The following PCDHGA6 variants were observed in gnomAD, a reference collection of about 807,000 sequenced individuals.
PCDHGA6 encodes protocadherin gamma-A6.
In PCDHGA6, 41 loss-of-function variants were observed where a neutral mutation model predicts 60.6. That is an observed-to-expected ratio of 0.68 (90% CI 0.53 to 0.88). PCDHGA6 has a LOEUF of 0.88. Among genes scored for constraint, PCDHGA6 ranks in the 40% least tolerant of loss-of-function variants. The pLI is 0.00. For synonymous variants in PCDHGA6, 594 were observed against 524.4 expected, an observed-to-expected ratio of 1.13 and a Z score of -1.81; for missense variants, 1,312 against 1,203.0, an observed-to-expected ratio of 1.09 and a Z score of -1.34.
chr5:141,431,146 T>G lies in PCDHGA6; in HGVS notation c.2424+54639T>G. On this transcript the variant is annotated intron_variant, in intron 1 of 3. Coordinates refer to ENST00000517434, the MANE Select transcript of PCDHGA6 (RefSeq NM_018919.3). The surrounding 1 kb of genome is among the most constrained non-coding windows in gnomAD (Gnocchi z 4.8). The stretch of plus-strand genomic sequence containing the variant: ...TAGAAGTAAGGGACATTAACGACAA[T>G]GCGCCTTACTTTCGTGAAAGTGAAT... 6.2e-7 allele frequency: 1 copy of G among 1,614,124 alleles called. No individual in the cohort carries two copies. Among genetic ancestry groups the G allele is most frequent in the African/African-American group, 1.3e-5 (1 of 75,022 alleles).
At chr5:141,408,618 A>C (rs1264915663) in intron 1 of PCDHGA6, 1 of 1,614,024 alleles carries the variant, frequency 6.2e-7, no homozygotes, top group Admixed American at 1.7e-5. Flanking sequence ...AAGGAAATAC[A>C]TTTAGAAATT....
At chr5:141,473,944 CTGTA>C (rs2099333270) in intron 1 of PCDHGA6, among the ~76,000 whole-genome samples, 2 of 152,156 alleles carry the variant, frequency 1.3e-5, no homozygotes, top group Non-Finnish European at 2.9e-5. Context: ...TAGCTCAGGC[CTGTA>C]GTCCCATCTA....
chr5:141,392,658 C>T, intron 1 of PCDHGA6: 1 of 778,114 alleles, frequency 1.3e-6, no homozygotes, highest in Non-Finnish European at 1.9e-6. Context: ...CCGCAGATGC[C>T]ACAAACTAAC....
chr5:141,402,867 C>T, intron 1 of PCDHGA6: 2 of 1,443,510 alleles, frequency 1.4e-6, no homozygotes, highest in Non-Finnish European at 1.8e-6. Context: ...AGGAAAAGAT[C>T]ACCATACTTT....
intron 1 of PCDHGA6, chr5:141,475,890 G>C: frequency 1.8e-6 from 1 of 565,896 alleles, no homozygotes; most frequent in South Asian, 2.3e-5. Flanking sequence ...CTGGGACTCT[G>C]TGTGCCGCTG....
chr5:141,413,524 A>T lies in PCDHGA6; in HGVS notation c.2424+37017A>T, dbSNP rs772774054. The T allele has an allele frequency of 9.3e-6, 15 of 1,613,856 alleles. No individual in the cohort carries two copies. In the Admixed American group the frequency reaches 2.5e-4, roughly 27 times the overall value. ...GAGTTTTAATATCCTTGTGGAAGACAGGGTGAAACTTTTTGGGATAGAAAT... is the reference window on the plus strand; with the variant it reads ...GAGTTTTAATATCCTTGTGGAAGACTGGGTGAAACTTTTTGGGATAGAAAT... On this transcript the variant is annotated intron_variant, in intron 1 of 3. Coordinates refer to ENST00000517434, the MANE Select transcript of PCDHGA6 (RefSeq NM_018919.3).
intron 1 of PCDHGA6, chr5:141,389,844 G>C: frequency 6.2e-7 from 1 of 1,614,014 alleles, no homozygotes; most frequent in Non-Finnish European, 8.5e-7. Flanking sequence ...ACCACTCTCG[G>C]CCACTGCCAC....
rs774489564 is a variant in PCDHGA6, at chr5:141,375,475, C to G, written c.1392C>G (p.Asn464Lys). ...HSSYSVYVLE[N>K]NPRGASIFSV... is the part of the protein sequence containing the mutation. The stretch of plus-strand genomic sequence containing the variant: ...CCTACTCAGTCTATGTCCTTGAAAA[C>G]AACCCCAGGGGTGCCTCCATCTTCT... Residue 464 changes from asparagine (N) to lysine (K), a missense_variant, in exon 1 of 4, where the codon AAC (asparagine) becomes AAG (lysine). Physicochemically the swap from Asn to Lys is moderately conservative, Grantham distance 94. Transcript: ENST00000517434. 3 of 1,613,884 alleles carry G rather than the reference C, an allele frequency of 1.9e-6. No individual in the cohort carries two copies. Among genetic ancestry groups the G allele is most frequent in the Non-Finnish European group, 2.5e-6 (3 of 1,180,010 alleles).
At chr5:141,464,312 C>T (rs2099081610) in intron 1 of PCDHGA6, among the ~76,000 whole-genome samples, 1 of 149,056 alleles carries the variant, frequency 6.7e-6, no homozygotes, top group South Asian at 2.1e-4. Flanking sequence ...GTGCACATAT[C>T]ATTATCTGTT....
chr5:141,403,341 C>T (rs1279947533), intron 1 of PCDHGA6: 1 of 1,613,988 alleles, frequency 6.2e-7, no homozygotes, highest in Non-Finnish European at 8.5e-7. Flanking sequence ...AACGACAGCG[C>T]CCCAAAGTTC....
Position 141,426,915 on chromosome 5 carries a change from G to A in PCDHGA6, c.2424+50408G>A, listed in dbSNP as rs143411146. On this transcript the variant is annotated intron_variant, in intron 1 of 3. Coordinates refer to ENST00000517434, the MANE Select transcript of PCDHGA6 (RefSeq NM_018919.3). ...ACAGAGCTCTCATCTCCTGGTCCTG[G>A]AAGCAATGGACATGGGTGACCCAGT... 1,737 of 456,738 alleles carry A rather than the reference G, an allele frequency of 3.8e-3. 17 individuals carry two copies. Among genetic ancestry groups the A allele is most frequent in the Admixed American group, 0.01 (426 of 42,586 alleles). The allele number at this position is 456,738 out of a possible 1,614,324, so 28.3% of individuals were successfully genotyped here.
At position 141,404,170 on chromosome 5, in the gene PCDHGA6, G is replaced by C. The variant is rs73279089; in HGVS notation, c.2424+27663G>C. Reference sequence around the variant, plus strand: ...AAGAAGATTATTACAGATTGTTGACGGCCCAAATTCTTGACCGAGAAAAAG... The same window carrying C: ...AAGAAGATTATTACAGATTGTTGACCGCCCAAATTCTTGACCGAGAAAAAG... On this transcript the variant is annotated intron_variant, in intron 1 of 3. Coordinates refer to ENST00000517434, the MANE Select transcript of PCDHGA6 (RefSeq NM_018919.3). The C allele has an allele frequency of 1.5e-3, 2,365 of 1,612,738 alleles. 32 individuals are homozygous for C. In the African/African-American group the frequency reaches 0.028, roughly 19 times the overall value.
chr5:141,441,840 C>T (rs2098278154), intron 1 of PCDHGA6: 1 of 355,864 alleles, frequency 2.8e-6, no homozygotes, highest in Non-Finnish European at 5.5e-6. Flanking sequence ...GCTTCGCGCT[C>T]TTGGATATGG....
chr5:141,478,378 G>C, intron 1 of PCDHGA6: 1 of 1,613,558 alleles, frequency 6.2e-7, no homozygotes, highest in Non-Finnish European at 8.5e-7. Flanking sequence ...TGATGTCGCC[G>C]CACCTTTACC....
rs1454395834 is a variant in PCDHGA6, at chr5:141,413,223, G to A, written c.2424+36716G>A. The stretch of plus-strand genomic sequence containing the variant: ...CAAAGGAATCAAAGGATTGCAGCGG[G>A]CTGGTCCTGCTCTGCCTTTTCTTCG... On this transcript the variant is annotated intron_variant, in intron 1 of 3. Transcript: ENST00000517434. 4 of 1,613,694 alleles carry A rather than the reference G, an allele frequency of 2.5e-6. No individual in the cohort carries two copies. In the African/African-American group the frequency reaches 4.0e-5, roughly 16 times the overall value.
In PCDHGA6 at chr5:141,489,353, A is replaced by G. The variant is rs1423278514; in HGVS notation, c.2425-5454A>G. 3.7e-6 allele frequency: 6 copies of G among 1,612,316 alleles called. No homozygotes were observed. In the African/African-American group the frequency reaches 6.7e-5, roughly 18 times the overall value. ...CAGCTTCGTTACTCAGTGGTGGAGG[A>G]GTCTGAGCCGGGGACGCTGGTGGGG... On this transcript the variant is annotated intron_variant, in intron 1 of 3. Transcript: ENST00000517434. This position sits in a 1 kb window ranked among gnomAD's most constrained non-coding sequence, Gnocchi z 4.5.
chr5:141,512,917 T>C lies in PCDHGA6; in HGVS notation c.*1744T>C, dbSNP rs543880225. On this transcript the variant is annotated 3_prime_UTR_variant, in exon 4 of 4. Transcript: ENST00000517434. ...TGTGTCTCACGCAAGTTTTATACTCTAATATTTATATGGCTTTTTTTCTTC... is the reference window on the plus strand; with the variant it reads ...TGTGTCTCACGCAAGTTTTATACTCCAATATTTATATGGCTTTTTTTCTTC... The C allele has an allele frequency of 1.3e-5, 2 of 152,378 alleles. No individual in the cohort carries two copies. Among genetic ancestry groups the C allele is most frequent in the African/African-American group, 2.4e-5 (1 of 41,588 alleles). The allele number at this position is 152,378 out of a possible 1,614,324, so 9.4% of individuals were successfully genotyped here.
chr5:141,426,166 G>A (rs545570121), intron 1 of PCDHGA6: 4 of 155,070 alleles, frequency 2.6e-5, no homozygotes, highest in South Asian at 2.0e-4. Context: ...GATTCCATAC[G>A]GATTGGGGTG....
intron 1 of PCDHGA6, among the ~76,000 whole-genome samples, chr5:141,381,816 CT>C (rs747432194): frequency 4.2e-4 from 52 of 122,544 alleles, no homozygotes; most frequent in Admixed American, 1.7e-3. Flanking sequence ...TTCTTTCTTT[CT>C]TTCTTCTTCT....
Sources: allele counts gnomAD v4.1 joint callset (sites outside exome capture counted in the v4.1 genomes callset), GRCh38; gene constraint gnomAD v4.1.1; non-coding constraint Gnocchi (gnomAD v3.1); transcripts MANE v1.5; gene names NCBI Gene and HGNC (gene_info 2026-07-23, HGNC 2026-07-21).